Variants in CNTN5 observed in about 807,000 individuals in gnomAD.
CNTN5 encodes the protein contactin 5.
A neutral mutation model predicts 129.1 loss-of-function variants in CNTN5; 77 were observed. That is an observed-to-expected ratio of 0.60 (90% CI 0.50 to 0.72). CNTN5 has a LOEUF of 0.72. Among genes scored for constraint, CNTN5 ranks in the 30% least tolerant of loss-of-function variants. The probability of loss-of-function intolerance (pLI) is 0.00; values close to 1 mark genes in which losing one functional copy is unlikely to be tolerated. For synonymous variants in CNTN5, 509 were observed against 465.6 expected (o/e 1.09, Z -1.20); for missense variants, 1,478 against 1,328.8 (o/e 1.11, Z -1.75).
intron 1 of CNTN5, among the ~76,000 whole-genome samples, chr11:99,312,387 A>G (rs1457041943): frequency 6.6e-6 from 1 of 152,138 alleles, no homozygotes; most frequent in African/African-American, 2.4e-5. Context: ...TCGATTCTTT[A>G]TGTGTTAAAA....
chr11:100,211,594 C>A (rs1949034752), intron 15 of CNTN5, among the ~76,000 whole-genome samples: 1 of 152,048 alleles, frequency 6.6e-6, no homozygotes, highest in African/African-American at 2.4e-5. Context: ...AGAAGGCAAT[C>A]TTCACTTGGA....
intron 4 of CNTN5, among the ~76,000 whole-genome samples, chr11:99,831,901 T>G (rs540074107): frequency 3.3e-4 from 51 of 152,312 alleles, no homozygotes; most frequent in Middle Eastern, 3.4e-3. Flanking sequence ...ATTGAGTTCT[T>G]CAGCAACTTC....
chr11:100,099,477 T>C (rs1407162093), intron 13 of CNTN5, among the ~76,000 whole-genome samples: 1 of 152,116 alleles, frequency 6.6e-6, no homozygotes, highest in Non-Finnish European at 1.5e-5. Context: ...TTTAATTAGT[T>C]TGTCCATTGG....
At chr11:99,835,417 C>A (rs1192934256) in intron 4 of CNTN5, among the ~76,000 whole-genome samples, 1 of 152,028 alleles carries the variant, frequency 6.6e-6, no homozygotes, top group East Asian at 1.9e-4. Flanking sequence ...CAGGAGGTGC[C>A]CAACTTCTGA....
At chr11:99,040,124 G>A (rs1229676067) in intron 1 of CNTN5, among the ~76,000 whole-genome samples, 2 of 152,020 alleles carry the variant, frequency 1.3e-5, no homozygotes, top group African/African-American at 2.4e-5. Context: ...ATTTTGCCAA[G>A]GTACCTCCAA....
chr11:99,900,776 T>C (rs1949336186), intron 6 of CNTN5, among the ~76,000 whole-genome samples: 1 of 152,204 alleles, frequency 6.6e-6, no homozygotes, highest in African/African-American at 2.4e-5. Context: ...TTGATATTGA[T>C]ACATGATGTT....
intron 20 of CNTN5, 73 bp downstream of exon 20, chr11:100,299,469 C>A: frequency 3.4e-6 from 3 of 886,498 alleles, no homozygotes; most frequent in South Asian, 4.7e-5. Flanking sequence ...CACCTTTGTA[C>A]ACATATTAGA....
intron 1 of CNTN5, among the ~76,000 whole-genome samples, chr11:99,164,751 C>T (rs1212882321): frequency 3.3e-5 from 5 of 152,048 alleles, no homozygotes; most frequent in African/African-American, 1.2e-4. Context: ...TTTTCAGACA[C>T]TGATTATTTC....
chr11:99,163,383 G>A (rs1369854486), intron 1 of CNTN5, among the ~76,000 whole-genome samples: 1 of 130,600 alleles, frequency 7.7e-6, no homozygotes, highest in Non-Finnish European at 1.6e-5. Flanking sequence ...AAGATTTGTT[G>A]TTCACTAGAA....
intron 2 of CNTN5, among the ~76,000 whole-genome samples, chr11:99,433,589 T>C (rs1034532882): frequency 3.3e-5 from 5 of 152,174 alleles, no homozygotes; most frequent in South Asian, 2.1e-4. Flanking sequence ...TCTTCTCTGA[T>C]AGGTATTCAG....
At chr11:99,354,443 T>A (rs12273886) in intron 2 of CNTN5, among the ~76,000 whole-genome samples, 16,023 of 152,178 alleles carry the variant, frequency 0.11, 1,035 homozygotes, top group African/African-American at 0.18. Flanking sequence ...CAGCTGAAAC[T>A]GGAGATTGCT....
chr11:99,631,774 C>T (rs1951362684), intron 3 of CNTN5, among the ~76,000 whole-genome samples: 1 of 151,946 alleles, frequency 6.6e-6, no homozygotes, highest in African/African-American at 2.4e-5. Flanking sequence ...AAGATAACAG[C>T]AAGTAACTGG....
At chr11:99,448,130 G>A (rs568104916) in intron 2 of CNTN5, among the ~76,000 whole-genome samples, 9 of 151,736 alleles carry the variant, frequency 5.9e-5, no homozygotes, top group South Asian at 2.1e-4. Context: ...CAAATTTATC[G>A]CTAAATGTGT....
At chr11:99,841,017 T>C (rs987717630) in intron 4 of CNTN5, among the ~76,000 whole-genome samples, 20 of 151,834 alleles carry the variant, frequency 1.3e-4, no homozygotes, top group African/African-American at 2.4e-4. Context: ...ATGTTTCTTT[T>C]CCCCCCCTTA....
chr11:99,243,825 CT>C (rs1301550989), intron 1 of CNTN5, among the ~76,000 whole-genome samples: 1 of 149,744 alleles, frequency 6.7e-6, no homozygotes, highest in African/African-American at 2.5e-5. Context: ...GTCTGTATGC[CT>C]TTTTTTCTTT....
At chr11:99,624,576 G>A (rs1419108313) in intron 3 of CNTN5, among the ~76,000 whole-genome samples, 3 of 152,074 alleles carry the variant, frequency 2.0e-5, no homozygotes, top group Non-Finnish European at 4.4e-5. Context: ...GCCAGAACAA[G>A]TTTTTGCTTT....
intron 3 of CNTN5, among the ~76,000 whole-genome samples, chr11:99,731,963 T>G (rs1260555720): frequency 6.6e-6 from 1 of 152,194 alleles, no homozygotes; most frequent in Non-Finnish European, 1.5e-5. Flanking sequence ...GTGTCCATAT[T>G]TAGATATAAT....
intron 2 of CNTN5, among the ~76,000 whole-genome samples, chr11:99,413,120 A>T (rs1942473712): frequency 6.6e-6 from 1 of 152,228 alleles, no homozygotes; most frequent in Non-Finnish European, 1.5e-5. Flanking sequence ...TGTCTCTGCC[A>T]TATCTTTGCA....
chr11:99,375,482 C>T (rs1015247670), intron 2 of CNTN5, among the ~76,000 whole-genome samples: 2 of 151,828 alleles, frequency 1.3e-5, no homozygotes, highest in Non-Finnish European at 2.9e-5. Flanking sequence ...AGGAATGAAG[C>T]TTAATGAGAT....
Sources: gnomAD v4.1 joint callset for allele counts (sites outside exome capture counted in the v4.1 genomes callset) on GRCh38, gnomAD v4.1.1 for gene constraint, MANE v1.5 for transcripts, NCBI Gene and HGNC (gene_info 2026-07-23, HGNC 2026-07-21) for gene names.